Variants in KCNK13 observed in about 807,000 individuals in gnomAD.
KCNK13 encodes the protein potassium two pore domain channel subfamily K member 13.
Under a neutral mutation model 23.4 loss-of-function variants are expected in KCNK13, and 12 were observed. The observed-to-expected ratio is 0.51, with a 90% confidence interval of 0.33 to 0.83. The LOEUF is 0.83. Ranked by LOEUF, KCNK13 falls within the 40% of genes least tolerant of loss-of-function variation. The probability of loss-of-function intolerance (pLI) is 0.02; values close to 1 mark genes in which losing one functional copy is unlikely to be tolerated. For missense variants in KCNK13, 463 were observed against 556.3 expected, an observed-to-expected ratio of 0.83 and a Z score of 1.69; for synonymous variants, 231 against 229.5, an observed-to-expected ratio of 1.01 and a Z score of -0.06.
At chr14:90,147,034 C>G (rs558568393) in intron 1 of KCNK13, among the ~76,000 whole-genome samples, 24 of 152,260 alleles carry the variant, frequency 1.6e-4, no homozygotes, top group African/African-American at 4.3e-4. Context: ...CTATCACAAT[C>G]TACCTTCAAG....
intron 1 of KCNK13, among the ~76,000 whole-genome samples, chr14:90,066,054 C>T (rs1258298463): frequency 1.3e-5 from 2 of 152,158 alleles, no homozygotes; most frequent in African/African-American, 2.4e-5. Context: ...ACCCCTGCCT[C>T]CCGGGTTCAA....
chr14:90,140,055 G>A (rs193158528), intron 1 of KCNK13, among the ~76,000 whole-genome samples: 1 of 152,184 alleles, frequency 6.6e-6, no homozygotes, highest in Non-Finnish European at 1.5e-5. Context: ...GCAGATGGCA[G>A]GTAGTCAGAT....
chr14:90,067,529 A>T (rs1192560323), intron 1 of KCNK13, among the ~76,000 whole-genome samples: 1 of 152,226 alleles, frequency 6.6e-6, no homozygotes, highest in Non-Finnish European at 1.5e-5. Flanking sequence ...GGGTATAGAT[A>T]GTGGTGATGG....
At chr14:90,125,625 A>ACG (rs765889664) in intron 1 of KCNK13, among the ~76,000 whole-genome samples, 4 of 52,128 alleles carry the variant, frequency 7.7e-5, no homozygotes, top group East Asian at 4.3e-4. Context: ...ACACACACAC[A>ACG]CGCGCACACA....
chr14:90,081,586 T>C (rs945377787), intron 1 of KCNK13, among the ~76,000 whole-genome samples: 1 of 152,224 alleles, frequency 6.6e-6, no homozygotes, highest in Non-Finnish European at 1.5e-5. Context: ...AATGTATAAT[T>C]CACATACCAT....
At chr14:90,180,512 C>G (rs995186640) in intron 1 of KCNK13, among the ~76,000 whole-genome samples, 7 of 152,164 alleles carry the variant, frequency 4.6e-5, no homozygotes, top group African/African-American at 1.7e-4. Context: ...CCTTTGCTTC[C>G]ATAAATACCA....
intron 1 of KCNK13, among the ~76,000 whole-genome samples, chr14:90,174,745 G>A (rs903271748): frequency 3.3e-5 from 5 of 151,904 alleles, no homozygotes; most frequent in Non-Finnish European, 5.9e-5. Context: ...TCCCAGCTAC[G>A]TAGGAGGCTG....
chr14:90,089,661 G>T (rs1889319937), intron 1 of KCNK13, among the ~76,000 whole-genome samples: 1 of 152,204 alleles, frequency 6.6e-6, no homozygotes, highest in South Asian at 2.1e-4. Flanking sequence ...CATGTCAGAG[G>T]TTTTCACAGT....
At chr14:90,175,646 A>G (rs1248266250) in intron 1 of KCNK13, among the ~76,000 whole-genome samples, 9 of 152,200 alleles carry the variant, frequency 5.9e-5, no homozygotes, top group Admixed American at 4.6e-4. Context: ...GAAAACACTG[A>G]AAGTCCCAGA....
intron 1 of KCNK13, among the ~76,000 whole-genome samples, chr14:90,096,708 A>T (rs946460106): frequency 2.6e-5 from 4 of 152,206 alleles, no homozygotes; most frequent in Admixed American, 2.0e-4. Context: ...TTTGAGACTC[A>T]CAACAGTGCT....
chr14:90,107,710 T>G (rs1208793616), intron 1 of KCNK13: 3 of 769,582 alleles, frequency 3.9e-6, no homozygotes, highest in Non-Finnish European at 7.2e-6. Flanking sequence ...AAATCCAGCC[T>G]GGGAAGGTGG....
intron 1 of KCNK13, among the ~76,000 whole-genome samples, chr14:90,154,981 A>G (rs1405859166): frequency 6.6e-6 from 1 of 152,266 alleles, no homozygotes; most frequent in Non-Finnish European, 1.5e-5. Flanking sequence ...AGGATACAGC[A>G]GTGAACAAGA....
intron 1 of KCNK13, among the ~76,000 whole-genome samples, chr14:90,078,294 C>T (rs1294759072): frequency 6.6e-6 from 1 of 151,894 alleles, no homozygotes; most frequent in African/African-American, 2.4e-5. Flanking sequence ...GTGGCGCACA[C>T]CTGTAATCCC....
chr14:90,071,228 C>T (rs918769236), intron 1 of KCNK13, among the ~76,000 whole-genome samples: 8 of 152,162 alleles, frequency 5.3e-5, no homozygotes, highest in East Asian at 1.9e-4. Flanking sequence ...TTCTTGGGCT[C>T]CTTGGGGTCC....
At chr14:90,068,289 TCCAGG>T (rs1170070845) in intron 1 of KCNK13, among the ~76,000 whole-genome samples, 2 of 152,044 alleles carry the variant, frequency 1.3e-5, no homozygotes, top group Admixed American at 1.3e-4. Flanking sequence ...AAATGTTTCT[TCCAGG>T]CTAAAAAAGC....
chr14:90,121,551 A>G (rs367605990), intron 1 of KCNK13, among the ~76,000 whole-genome samples: 18 of 152,240 alleles, frequency 1.2e-4, no homozygotes, highest in East Asian at 9.6e-4. Flanking sequence ...GCTGTTTTAT[A>G]TTAACTCTAT....
At chr14:90,071,426 C>T (rs1459587518) in intron 1 of KCNK13, among the ~76,000 whole-genome samples, 1 of 152,162 alleles carries the variant, frequency 6.6e-6, no homozygotes, top group Non-Finnish European at 1.5e-5. Flanking sequence ...ACCTCTTATC[C>T]CTAAACTCCT....
At chr14:90,101,402 C>T (rs1889475560) in intron 1 of KCNK13, among the ~76,000 whole-genome samples, 1 of 151,968 alleles carries the variant, frequency 6.6e-6, no homozygotes, top group Admixed American at 6.6e-5. Flanking sequence ...GGGGCAGGGG[C>T]ATCACATTCA....
At chr14:90,154,856 A>G (rs907748520) in intron 1 of KCNK13, among the ~76,000 whole-genome samples, 6 of 152,192 alleles carry the variant, frequency 3.9e-5, no homozygotes, top group Admixed American at 2.0e-4. Flanking sequence ...AGGTGGGAAT[A>G]ATTGCAAAAG....
Sources: allele counts gnomAD v4.1 joint callset (sites outside exome capture counted in the v4.1 genomes callset), GRCh38; gene constraint gnomAD v4.1.1; transcripts MANE v1.5; gene names NCBI Gene and HGNC (gene_info 2026-07-23, HGNC 2026-07-21).